CTNND2: variants seen among roughly 807,000 people sequenced by gnomAD.
CTNND2 encodes catenin delta-2.
A neutral mutation model predicts 144.4 loss-of-function variants in CTNND2; 22 were observed. The observed-to-expected ratio is 0.15, with a 90% CI of 0.11 to 0.22. The LOEUF (loss-of-function observed/expected upper bound fraction) is 0.22. CTNND2 is among the 10% of genes least tolerant of loss of function. The pLI is 1.00. For synonymous variants in CTNND2, 751 were observed against 695.6 expected (o/e 1.08, Z -1.25); for missense variants, 1,353 against 1,618.8 (o/e 0.84, Z 2.82).
At chr5:11,895,869 T>C (rs112586532) in intron 1 of CTNND2, among the ~76,000 whole-genome samples, 2,257 of 152,246 alleles carry the variant, frequency 0.015, 56 homozygotes, top group African/African-American at 0.051. Context: ...TCAGGAATAT[T>C]AATAGAGAAG....
At chr5:11,633,837 G>A (rs1781539841) in intron 2 of CTNND2, among the ~76,000 whole-genome samples, 2 of 151,884 alleles carry the variant, frequency 1.3e-5, no homozygotes, top group Admixed American at 6.6e-5. Context: ...TACACTGGAA[G>A]GTCCAGAAAT....
intron 2 of CTNND2, among the ~76,000 whole-genome samples, chr5:11,701,478 A>G (rs10060679): frequency 0.078 from 11,942 of 152,300 alleles, 1,544 homozygotes; most frequent in African/African-American, 0.27. Flanking sequence ...AAGAATTTCT[A>G]TACATTCAAT....
intron 9 of CTNND2, among the ~76,000 whole-genome samples, chr5:11,242,505 T>C (rs1742553079): frequency 6.6e-6 from 1 of 152,162 alleles, no homozygotes; most frequent in Non-Finnish European, 1.5e-5. Context: ...CGAGGACATT[T>C]AGCAAAGCCT....
At chr5:11,148,194 T>G in intron 12 of CTNND2, among the ~76,000 whole-genome samples, 1 of 152,238 alleles carries the variant, frequency 6.6e-6, no homozygotes, top group East Asian at 1.9e-4. Flanking sequence ...AACTGCTTAA[T>G]GAATATGGGG....
intron 10 of CTNND2, among the ~76,000 whole-genome samples, chr5:11,221,951 T>C (rs1457024093): frequency 6.6e-6 from 1 of 152,208 alleles, no homozygotes; most frequent in Non-Finnish European, 1.5e-5. Flanking sequence ...TTAAACTATG[T>C]CCCTGAAAAA....
chr5:11,156,168 C>T (rs1758202111), intron 12 of CTNND2, among the ~76,000 whole-genome samples: 1 of 152,206 alleles, frequency 6.6e-6, no homozygotes, highest in Non-Finnish European at 1.5e-5. Context: ...GTCACATTGT[C>T]AGGTTCTGGC....
At chr5:11,552,822 C>T (rs1775881754) in intron 3 of CTNND2, among the ~76,000 whole-genome samples, 1 of 152,196 alleles carries the variant, frequency 6.6e-6, no homozygotes, top group Non-Finnish European at 1.5e-5. Context: ...ACATCAAATG[C>T]TCATTGTTAT....
chr5:10,988,139 T>C lies in CTNND2; in HGVS notation c.3315A>G (p.Glu1105=), dbSNP rs1738241781. The C allele has an allele frequency of 6.2e-7, 1 of 1,614,206 alleles. No individual in the cohort carries two copies. Among genetic ancestry groups the C allele is most frequent in the Non-Finnish European group, 8.5e-7 (1 of 1,180,032 alleles). ...SNATYHGAKG[E]HTSRKDAMTA... ...TCATGGCATCTTTCCTGGAAGTGTGTTCGCCTTTAGCTCCGTGGTAGGTGG... is the reference window on the plus strand; with the variant it reads ...TCATGGCATCTTTCCTGGAAGTGTGCTCGCCTTTAGCTCCGTGGTAGGTGG... Residue 1105 remains glutamate, a synonymous_variant, in exon 20 of 22, where the codon GAA becomes GAG. Transcript: ENST00000304623. This position sits in a 1 kb window ranked among gnomAD's most constrained non-coding sequence, Gnocchi z 5.9.
Position 11,265,088 on chromosome 5 carries a change from T to G in CTNND2, c.1629-28265A>C, listed in dbSNP as rs192729632. On this transcript the variant is annotated intron_variant, in intron 9 of 21. Transcript: ENST00000304623. ...TATATATTTTAGAACTATATTATCT[T>G]GGCAAAAGAAAGATATCAACAAGTT... 3.9e-5 allele frequency among the ~76,000 whole-genome samples: 6 copies of G among 152,270 alleles called. No homozygotes were observed. The East Asian group carries it at 1.2e-3, about 29-fold the overall frequency.
intron 9 of CTNND2, among the ~76,000 whole-genome samples, chr5:11,284,208 T>C (rs938048594): frequency 6.6e-6 from 1 of 152,186 alleles, no homozygotes; most frequent in African/African-American, 2.4e-5. Context: ...TGTGCAGGGC[T>C]GTCAGTACCG....
chr5:11,700,081 T>C (rs1396507162), intron 2 of CTNND2, among the ~76,000 whole-genome samples: 1 of 152,182 alleles, frequency 6.6e-6, no homozygotes, highest in Non-Finnish European at 1.5e-5. Flanking sequence ...GAAAATTATT[T>C]TTTGATTGAA....
At chr5:11,343,694 A>T (rs1381207791) in intron 9 of CTNND2, among the ~76,000 whole-genome samples, 1 of 152,188 alleles carries the variant, frequency 6.6e-6, no homozygotes, top group Non-Finnish European at 1.5e-5. Context: ...TAACATTCTG[A>T]TTCTGCATTT....
chr5:11,768,240 A>G (rs10053497), intron 1 of CTNND2, among the ~76,000 whole-genome samples: 14,496 of 151,964 alleles, frequency 0.095, 1,877 homozygotes, highest in African/African-American at 0.29. Context: ...GGCACCTAGC[A>G]CTCAGAGAGT....
At chr5:11,541,064 C>G (rs1037913923) in intron 3 of CTNND2, among the ~76,000 whole-genome samples, 16 of 152,170 alleles carry the variant, frequency 1.1e-4, no homozygotes, top group Admixed American at 2.0e-4. Context: ...CCGGGATGCA[C>G]AGGCAATGGA....
intron 2 of CTNND2, among the ~76,000 whole-genome samples, chr5:11,625,786 G>T (rs1781122930): frequency 6.6e-6 from 1 of 152,022 alleles, no homozygotes; most frequent in South Asian, 2.1e-4. Flanking sequence ...CAATTAAAAA[G>T]ATAGGTAAAT....
chr5:11,211,820 T>A (rs16901404), intron 10 of CTNND2, among the ~76,000 whole-genome samples: 30,010 of 152,176 alleles, frequency 0.2, 3,061 homozygotes, highest in Admixed American at 0.24. Context: ...TGTCTTAGCC[T>A]ATGGTTGTAA....
At chr5:11,154,706 A>C (rs896025130) in intron 12 of CTNND2, among the ~76,000 whole-genome samples, 1 of 152,118 alleles carries the variant, frequency 6.6e-6, no homozygotes, top group Non-Finnish European at 1.5e-5. Context: ...AAACAACCGA[A>C]ACTTATTATC....
At chr5:11,088,628 T>C (rs561697599) in intron 15 of CTNND2, among the ~76,000 whole-genome samples, 1 of 152,108 alleles carries the variant, frequency 6.6e-6, no homozygotes, top group Non-Finnish European at 1.5e-5. Flanking sequence ...CTTTTGGATA[T>C]GGGGAGGGAG....
intron 2 of CTNND2, among the ~76,000 whole-genome samples, chr5:11,584,465 C>T (rs538166519): frequency 1.4e-5 from 2 of 147,544 alleles, no homozygotes; most frequent in East Asian, 3.9e-4. Flanking sequence ...TTAAAGTCAC[C>T]GACTAACTCA....
Sources: gnomAD v4.1 joint callset for allele counts (sites outside exome capture counted in the v4.1 genomes callset) on GRCh38, gnomAD v4.1.1 for gene constraint, Gnocchi (gnomAD v3.1) non-coding constraint, MANE v1.5 for transcripts, NCBI Gene and HGNC (gene_info 2026-07-23, HGNC 2026-07-21) for gene names.